The following FRMPD4 variants were observed in gnomAD, a reference collection of about 807,000 sequenced individuals.
FRMPD4 encodes the protein FERM and PDZ domain containing 4.
Under a neutral mutation model 94.1 loss-of-function variants are expected in FRMPD4, and 22 were observed. The observed-to-expected ratio is 0.23, with a 90% CI of 0.17 to 0.33. The LOEUF is 0.33. Ranked by LOEUF, FRMPD4 falls within the 10% of genes least tolerant of loss-of-function variation. FRMPD4 has a pLI of 1.00. For missense variants in FRMPD4, 1,111 were observed against 1,339.9 expected (o/e 0.83, Z 2.67); for synonymous variants, 631 against 548.6 (o/e 1.15, Z -2.10).
At chrX:11,956,975 A>G (rs1410186088) in intron 3 of FRMPD4, among the ~76,000 whole-genome samples, 2 of 111,841 alleles carry the variant, frequency 1.8e-5, no homozygotes, top group Non-Finnish European at 3.8e-5. Flanking sequence ...GAGAAATCCA[A>G]TTTTCAAGAA....
intron 4 of FRMPD4, among the ~76,000 whole-genome samples, chrX:12,647,957 G>A (rs183538650): frequency 9.0e-6 from 1 of 111,016 alleles, no homozygotes; most frequent in East Asian, 2.8e-4. Flanking sequence ...CCACACTCTG[G>A]ATAAAAATCA....
intron 3 of FRMPD4, among the ~76,000 whole-genome samples, chrX:12,110,143 T>C (rs1298394698): frequency 1.8e-5 from 2 of 112,395 alleles, no homozygotes; most frequent in African/African-American, 6.5e-5. Flanking sequence ...CTGATATCCC[T>C]GATGAACTTT....
At chrX:11,988,076 G>T (rs1482703880) in intron 3 of FRMPD4, among the ~76,000 whole-genome samples, 1 of 110,891 alleles carries the variant, frequency 9.0e-6, no homozygotes, top group Non-Finnish European at 1.9e-5. Flanking sequence ...CACAGAAATA[G>T]AAAAAAACAA....
intron 2 of FRMPD4, among the ~76,000 whole-genome samples, chrX:12,542,222 T>C (rs1399432250): frequency 8.9e-6 from 1 of 112,014 alleles, no homozygotes; most frequent in Admixed American, 9.5e-5. Flanking sequence ...CAACATAGTG[T>C]TGGAAGTTCT....
chrX:12,235,605 T>C (rs776197680), intron 1 of FRMPD4, among the ~76,000 whole-genome samples: 1 of 112,528 alleles, frequency 8.9e-6, no homozygotes, highest in African/African-American at 3.2e-5. Flanking sequence ...AAGTTAACCA[T>C]TGGCAATTAT....
intron 3 of FRMPD4, among the ~76,000 whole-genome samples, chrX:12,078,066 T>C (rs946306953): frequency 4.5e-5 from 5 of 111,418 alleles, no homozygotes; most frequent in African/African-American, 1.6e-4. Flanking sequence ...TCCTCCAAGT[T>C]CCCTCAGGCC....
chrX:11,927,988 T>G (rs1369008503), intron 3 of FRMPD4, among the ~76,000 whole-genome samples: 1 of 112,200 alleles, frequency 8.9e-6, no homozygotes, highest in Non-Finnish European at 1.9e-5. Flanking sequence ...TGGGAGAAGA[T>G]TTTTGCAAAC....
At chrX:12,259,319 C>A (rs2054159629) in intron 1 of FRMPD4, among the ~76,000 whole-genome samples, 1 of 110,763 alleles carries the variant, frequency 9.0e-6, no homozygotes, top group Admixed American at 9.7e-5. Context: ...CCCAATATGA[C>A]TGATGTCTTT....
At chrX:12,077,944 G>A (rs2055033496) in intron 3 of FRMPD4, among the ~76,000 whole-genome samples, 1 of 111,844 alleles carries the variant, frequency 8.9e-6, no homozygotes, top group South Asian at 3.8e-4. Context: ...CAGTTTCTGT[G>A]GCTCATGTTT....
chrX:12,693,927 G>A (rs1434478633), intron 8 of FRMPD4, among the ~76,000 whole-genome samples: 5 of 111,349 alleles, frequency 4.5e-5, no homozygotes, highest in Admixed American at 9.6e-5. Context: ...ACTCATCAGT[G>A]CTCCTTTGGC....
chrX:12,362,726 T>C (rs1182054551), intron 1 of FRMPD4, among the ~76,000 whole-genome samples: 1 of 111,795 alleles, frequency 8.9e-6, no homozygotes, highest in African/African-American at 3.3e-5. Flanking sequence ...TACCCAGTAA[T>C]GGGATGGCTG....
chrX:12,594,770 C>T (rs1371656127), intron 2 of FRMPD4, among the ~76,000 whole-genome samples: 1 of 111,565 alleles, frequency 9.0e-6, no homozygotes, highest in Non-Finnish European at 1.9e-5. Context: ...TTATTCTTTC[C>T]CTGGGATTTG....
At chrX:12,537,013 T>C (rs181233079) in intron 2 of FRMPD4, among the ~76,000 whole-genome samples, 2 of 111,907 alleles carry the variant, frequency 1.8e-5, no homozygotes, top group East Asian at 5.5e-4. Flanking sequence ...TTAAATTTTA[T>C]GTCCAAGGCA....
At chrX:12,599,146 G>A (rs182048050) in intron 2 of FRMPD4, among the ~76,000 whole-genome samples, 3 of 110,938 alleles carry the variant, frequency 2.7e-5, no homozygotes, top group East Asian at 5.7e-4. Context: ...GAGACCTGCC[G>A]TGTCTTCAGC....
intron 3 of FRMPD4, among the ~76,000 whole-genome samples, chrX:12,023,156 A>T (rs1359369404): frequency 9.0e-6 from 1 of 111,646 alleles, no homozygotes; most frequent in Non-Finnish European, 1.9e-5. Context: ...CTACCATATG[A>T]GGTTACAGTG....
chrX:12,517,895 C>G (rs2058120276), intron 2 of FRMPD4, among the ~76,000 whole-genome samples: 2 of 112,760 alleles, frequency 1.8e-5, no homozygotes, highest in African/African-American at 6.4e-5. Flanking sequence ...TCCTTAAACC[C>G]CTAGCTGGAG....
chrX:11,906,516 G>C (rs984622171), intron 3 of FRMPD4, among the ~76,000 whole-genome samples: 1 of 111,080 alleles, frequency 9.0e-6, no homozygotes, highest in Non-Finnish European at 1.9e-5. Flanking sequence ...TTTTTTTGTG[G>C]GTTTTTTCAT....
intron 3 of FRMPD4, among the ~76,000 whole-genome samples, chrX:11,995,770 C>T (rs2054493154): frequency 8.9e-6 from 1 of 111,929 alleles, no homozygotes; most frequent in Admixed American, 9.5e-5. Context: ...TCTGTCGTTC[C>T]TGGGGACCAT....
chrX:12,006,124 T>A (rs2054552530), intron 3 of FRMPD4, among the ~76,000 whole-genome samples: 1 of 111,946 alleles, frequency 8.9e-6, no homozygotes, highest in African/African-American at 3.2e-5. Flanking sequence ...ACATCCAATA[T>A]CCAAATCAGC....
Sources: allele counts gnomAD v4.1 joint callset (sites outside exome capture counted in the v4.1 genomes callset), GRCh38; gene constraint gnomAD v4.1.1; transcripts MANE v1.5; gene names NCBI Gene and HGNC (gene_info 2026-07-23, HGNC 2026-07-21).